Variants in RANBP2 observed in about 807,000 individuals in gnomAD.
The protein encoded by RANBP2 is E3 SUMO-protein ligase RanBP2.
RANBP2 carries 57 observed loss-of-function variants against 303.6 expected under a neutral mutation model. The observed-to-expected ratio is 0.19, with a 90% confidence interval of 0.15 to 0.23. The LOEUF (loss-of-function observed/expected upper bound fraction) is 0.23. Ranked by LOEUF, RANBP2 falls within the 10% of genes least tolerant of loss-of-function variation. The pLI, the probability that RANBP2 is intolerant of heterozygous loss-of-function variation, is 1.00. For missense variants in RANBP2, 3,138 were observed against 3,780.8 expected (o/e 0.83, Z 4.46); for synonymous variants, 1,167 against 1,301.5 (o/e 0.90, Z 2.23).
the RANBP2 span, among the ~76,000 whole-genome samples, chr2:108,792,275 T>C: frequency 5.3e-5 from 8 of 152,194 alleles, no homozygotes; most frequent in Admixed American, 3.3e-4. Flanking sequence ...GCTGGTATTA[T>C]GGTCTACACA....
the RANBP2 span, among the ~76,000 whole-genome samples, chr2:109,294,599 A>T: frequency 6.6e-6 from 1 of 151,920 alleles, no homozygotes; most frequent in African/African-American, 2.4e-5. Flanking sequence ...TAAAAAAAAA[A>T]AAAAGAATTG....
the RANBP2 span, among the ~76,000 whole-genome samples, chr2:109,691,155 C>A: frequency 6.6e-6 from 1 of 152,138 alleles, no homozygotes; most frequent in East Asian, 1.9e-4. Flanking sequence ...TTACAATAGC[C>A]CTTGCCAGAA....
the RANBP2 span, among the ~76,000 whole-genome samples, chr2:109,191,877 G>A: frequency 9.2e-5 from 14 of 152,160 alleles, no homozygotes; most frequent in African/African-American, 3.4e-4. Context: ...CAGCATTTTT[G>A]AAACCTTTAC....
At chr2:109,718,654 A>T in the RANBP2 span, among the ~76,000 whole-genome samples, 36 of 152,266 alleles carry the variant, frequency 2.4e-4, 1 homozygote, top group Non-Finnish European at 4.4e-5. Flanking sequence ...GACTATGGTG[A>T]CTGTTGCCAC....
At chr2:109,053,171 A>T in the RANBP2 span, among the ~76,000 whole-genome samples, 2 of 152,158 alleles carry the variant, frequency 1.3e-5, no homozygotes, top group African/African-American at 2.4e-5. Context: ...GGTACACCTC[A>T]TCTGTCTGCA....
the RANBP2 span, among the ~76,000 whole-genome samples, chr2:109,107,084 C>A: frequency 1.3e-5 from 2 of 151,918 alleles, no homozygotes; most frequent in Admixed American, 6.5e-5. Flanking sequence ...ATTACAGGCA[C>A]CTGCCACCGT....
At chr2:108,904,499 A>G in the RANBP2 span, among the ~76,000 whole-genome samples, 1 of 152,364 alleles carries the variant, frequency 6.6e-6, no homozygotes, top group South Asian at 2.1e-4. Context: ...TGTCCACACA[A>G]AAACCTATAC....
chr2:109,590,535 G>T, the RANBP2 span, among the ~76,000 whole-genome samples: 3 of 151,984 alleles, frequency 2.0e-5, no homozygotes, highest in African/African-American at 7.3e-5. Flanking sequence ...GGGTTCAAAT[G>T]ATTCTCCTGC....
At chr2:109,585,721 C>T in the RANBP2 span, 1 of 1,604,694 alleles carries the variant, frequency 6.2e-7, no homozygotes, top group South Asian at 1.1e-5. Flanking sequence ...TGGCACGTAC[C>T]CACACAGAGA....
the RANBP2 span, among the ~76,000 whole-genome samples, chr2:109,368,708 TA>T: frequency 0.029 from 4,006 of 136,638 alleles, 149 homozygotes; most frequent in African/African-American, 0.094. Context: ...GTATTTTCTT[TA>T]AAAAAAAAAA....
the RANBP2 span, among the ~76,000 whole-genome samples, chr2:109,063,513 A>G: frequency 6.6e-6 from 1 of 152,190 alleles, no homozygotes; most frequent in Non-Finnish European, 1.5e-5. Flanking sequence ...CAAGTCGGCC[A>G]GAAACACCTG....
At chr2:109,208,058 C>G in the RANBP2 span, among the ~76,000 whole-genome samples, 1,452 of 152,284 alleles carry the variant, frequency 9.5e-3, 24 homozygotes, top group African/African-American at 0.032. Context: ...AACAATTCTG[C>G]AAATATTTAC....
the RANBP2 span, among the ~76,000 whole-genome samples, chr2:109,152,428 C>T: frequency 2.6e-5 from 4 of 152,180 alleles, no homozygotes; most frequent in African/African-American, 9.7e-5. Flanking sequence ...GCTCCGATCT[C>T]AAGTTGAGAA....
chr2:109,600,029 C>T, the RANBP2 span, among the ~76,000 whole-genome samples: 2 of 152,248 alleles, frequency 1.3e-5, no homozygotes, highest in East Asian at 3.9e-4. Context: ...GCTTGCTGAC[C>T]GTCTCCACCT....
the RANBP2 span, among the ~76,000 whole-genome samples, chr2:109,075,728 A>G: frequency 6.6e-6 from 1 of 150,586 alleles, no homozygotes; most frequent in Non-Finnish European, 1.5e-5. Flanking sequence ...AGTAGAAGAA[A>G]TGGATAAATT....
chr2:109,423,651 C>G, the RANBP2 span, among the ~76,000 whole-genome samples: 3 of 152,172 alleles, frequency 2.0e-5, no homozygotes, highest in Non-Finnish European at 4.4e-5. Flanking sequence ...GCGAAATCAC[C>G]GGGTACTGCC....
chr2:109,144,691 G>A, the RANBP2 span, among the ~76,000 whole-genome samples: 5 of 152,316 alleles, frequency 3.3e-5, no homozygotes, highest in East Asian at 7.7e-4. Flanking sequence ...CACTGCACTG[G>A]GTCCAGGTTG....
the RANBP2 span, among the ~76,000 whole-genome samples, chr2:109,636,974 C>G: frequency 6.6e-6 from 1 of 152,116 alleles, no homozygotes. Flanking sequence ...CTCAGCATAC[C>G]AAGGACCTGC....
chr2:109,573,804 T>C, the RANBP2 span, among the ~76,000 whole-genome samples: 1 of 152,242 alleles, frequency 6.6e-6, no homozygotes, highest in Non-Finnish European at 1.5e-5. Context: ...TATGAATTTT[T>C]CTATAGCTCC....
Sources: gnomAD v4.1 joint callset for allele counts (sites outside exome capture counted in the v4.1 genomes callset) on GRCh38, gnomAD v4.1.1 for gene constraint, MANE v1.5 for transcripts, NCBI Gene and HGNC (gene_info 2026-07-23, HGNC 2026-07-21) for gene names.